ACER1: variants seen among roughly 807,000 people sequenced by gnomAD.
The protein encoded by ACER1 is CTB-180A7.3.
In ACER1, 28 loss-of-function variants were observed where a neutral mutation model predicts 24.9. The observed-to-expected ratio is 1.13, with a 90% CI of 0.83 to 1.54. The LOEUF is 1.54. Among genes scored for constraint, ACER1 ranks in the 40% most tolerant of loss-of-function variants. ACER1 has a pLI of 0.00. For missense variants in ACER1, 352 were observed against 349.3 expected (o/e 1.01, Z -0.06); for synonymous variants, 132 against 131.4 (o/e 1.00, Z -0.03).
In ACER1 at chr19:6,306,497, A is replaced by T. The variant is rs80301818; in HGVS notation, c.*217T>A. On this transcript the variant is annotated 3_prime_UTR_variant, in exon 6 of 6. Transcript: ENST00000301452. ...GGGGGGGGTCATGGAGGGGAGATGC[A>T]CGAGACAGCCCCCCACAGTCACCAG... The T allele has an allele frequency of 0.037, 19,567 of 526,044 alleles. 492 individuals carry two copies. The highest frequency in any genetic ancestry group is 0.049 in the Non-Finnish European group (14,643 of 301,058). 32.6% of individuals were successfully genotyped at this position (526,044 alleles called of 1,614,324 possible). A position where few individuals can be genotyped will look rare whatever the true frequency, so the allele number is the denominator to read the frequency against.
the ACER1 span, among the ~76,000 whole-genome samples, chr19:6,346,319 G>T: frequency 5.3e-5 from 8 of 151,946 alleles, no homozygotes; most frequent in Admixed American, 4.6e-4. Flanking sequence ...CCAAAAAAAA[G>T]TTCGAGAAAA....
At chr19:6,312,090 T>C in intron 3 of ACER1, 59 bp downstream of exon 3, 3 of 1,582,896 alleles carry the variant, frequency 1.9e-6, no homozygotes, top group Admixed American at 1.8e-5. Context: ...GGTGAGCTCA[T>C]GTAGAGTCAA....
At chr19:6,342,119 T>G in the ACER1 span, among the ~76,000 whole-genome samples, 3 of 152,170 alleles carry the variant, frequency 2.0e-5, no homozygotes, top group African/African-American at 7.2e-5. Context: ...AGTCTAACAA[T>G]GCCCAAAGTC....
chr19:6,347,508 CTG>C, the ACER1 span, among the ~76,000 whole-genome samples: 13,471 of 150,702 alleles, frequency 0.089, 1,259 homozygotes, highest in African/African-American at 0.25. Context: ...GTACGAGCCA[CTG>C]TGTGGAAACA....
chr19:6,312,945 T>G (rs892437443), intron 1 of ACER1, among the ~76,000 whole-genome samples: 4 of 152,116 alleles, frequency 2.6e-5, no homozygotes, highest in Admixed American at 2.6e-4. Flanking sequence ...CCCAAAGTGG[T>G]GGGATTACAG....
intron 1 of ACER1, among the ~76,000 whole-genome samples, chr19:6,326,016 G>A (rs1328282850): frequency 1.3e-5 from 2 of 150,622 alleles, no homozygotes; most frequent in Non-Finnish European, 3.0e-5. Flanking sequence ...GTGAAGTGGT[G>A]TGATCATAGC....
At chr19:6,314,084 T>C (rs531610708) in intron 1 of ACER1, among the ~76,000 whole-genome samples, 2 of 151,700 alleles carry the variant, frequency 1.3e-5, no homozygotes, top group Admixed American at 6.6e-5. Context: ...CCAAAAAACA[T>C]AGTGAAACTC....
intron 1 of ACER1, among the ~76,000 whole-genome samples, chr19:6,322,241 T>TA (rs578125696): frequency 5.9e-4 from 90 of 152,244 alleles, no homozygotes; most frequent in Non-Finnish European, 1.1e-3. Flanking sequence ...GTAATTGCAA[T>TA]AAAAAATGAA....
rs749620730 is a variant in ACER1 at position 6,312,506 on chromosome 19, CAG to C, written c.94-9_94-8del. The stretch of plus-strand genomic sequence containing the variant: ...AGAAGGGGATATTGGAGAACTGGAG[CAG>C]AGAGAGCCATAGGGAGGAGCTCGTC... On this transcript the variant is annotated splice_region_variant and splice_polypyrimidine_tract_variant and intron_variant, in intron 1 of 5. Transcript: ENST00000301452. The C allele has an allele frequency of 3.1e-6, 5 of 1,610,148 alleles. No homozygotes were observed. In the South Asian group the frequency reaches 5.5e-5, roughly 18 times the overall value.
At chr19:6,358,285 AGCGCT>A in the ACER1 span, among the ~76,000 whole-genome samples, 2 of 151,836 alleles carry the variant, frequency 1.3e-5, no homozygotes, top group Admixed American at 6.6e-5. Context: ...CCTGCCTGCC[AGCGCT>A]GGCTGCCATG....
chr19:6,316,590 G>A (rs966467175), intron 1 of ACER1, among the ~76,000 whole-genome samples: 5 of 151,738 alleles, frequency 3.3e-5, no homozygotes, highest in African/African-American at 1.2e-4. Context: ...GGAGGTGGAG[G>A]TGAGTGGATC....
the ACER1 span, among the ~76,000 whole-genome samples, chr19:6,357,452 A>AG: frequency 5.4e-4 from 81 of 151,068 alleles, no homozygotes; most frequent in African/African-American, 2.0e-3. Context: ...GGGGGTCAGC[A>AG]GGGGGGACGG....
rs2091568880 is a variant in ACER1 at position 6,309,807 on chromosome 19, G to C, written c.378C>G (p.Ile126Met). 1 of 1,614,120 alleles carries C rather than the reference G, an allele frequency of 6.2e-7. No homozygotes were observed. Among genetic ancestry groups the C allele is most frequent in the East Asian group, 2.2e-5 (1 of 44,870 alleles). Residue 126 changes from isoleucine (I) to methionine (M), a missense_variant, in exon 4 of 6, where the codon ATC becomes ATG. Ile to Met is a conservative substitution (Grantham distance 10). Coordinates refer to ENST00000301452, the MANE Select transcript of ACER1 (RefSeq NM_133492.3). ...ACAGAAGGGTGCTGACCACAGTGGTGATGAAGACCAGGCGGATGAACTGGG... is the reference window on the plus strand; with the variant it reads ...ACAGAAGGGTGCTGACCACAGTGGTCATGAAGACCAGGCGGATGAACTGGG... ...NRSQFIRLVFITTVVSTLLSF... is the reference protein window; with the variant it reads ...NRSQFIRLVFMTTVVSTLLSF...
chr19:6,333,406 C>A, intron 1 of ACER1, 53 bp downstream of exon 1: 1 of 1,448,950 alleles, frequency 6.9e-7, no homozygotes, highest in African/African-American at 1.4e-5. Context: ...TGGGGAGGAA[C>A]CGGGATTCGA....
chr19:6,348,433 C>G, the ACER1 span, among the ~76,000 whole-genome samples: 4 of 147,906 alleles, frequency 2.7e-5, no homozygotes, highest in African/African-American at 7.6e-5. Context: ...CGACTGCACT[C>G]CAGCCTGGGT....
rs771992138 is a variant in ACER1, at chr19:6,307,205, G to T, written c.574C>A (p.Leu192Met). The T allele has an allele frequency of 1.1e-5, 18 of 1,614,048 alleles. No individual in the cohort carries two copies. The highest frequency in any genetic ancestry group is 1.5e-5 in the Non-Finnish European group (18 of 1,180,052). Residue 192 changes from leucine to methionine, a missense_variant, in exon 5 of 6, where the codon CTG (leucine) becomes ATG (methionine). Coordinates refer to ENST00000301452, the MANE Select transcript of ACER1 (RefSeq NM_133492.3). Reference protein sequence around the residue: ...VALTSWISDRLLCSFWQRIHF... With the variant: ...VALTSWISDRMLCSFWQRIHF... ...ATCCTCTGCCAGAAGCTGCAAAGCA[G>T]ACGGTCACTGATCCAGCTGGTCAGA...
In ACER1 at chr19:6,323,422, AAAAAAAAAG is replaced by A. The variant is rs1161341363; in HGVS notation, c.93+10028_93+10036del. Among the ~76,000 whole-genome samples the A allele has an allele frequency of 1.1e-3, 168 of 151,126 alleles. 1 individual carries two copies. Among genetic ancestry groups the A allele is most frequent in the African/African-American group, 3.9e-3 (159 of 40,756 alleles). ...GGTGACAGCGAGACTCCGTCTCAAA[AAAAAAAAAG>A]AAAAAAAGAAAAAAAAATGGGAGTT... is the stretch of plus-strand genomic sequence containing the variant. On this transcript the variant is annotated intron_variant, in intron 1 of 5. Coordinates refer to ENST00000301452, the MANE Select transcript of ACER1 (RefSeq NM_133492.3).
intron 1 of ACER1, among the ~76,000 whole-genome samples, chr19:6,321,207 C>T (rs1277252754): frequency 6.6e-6 from 1 of 151,714 alleles, no homozygotes; most frequent in East Asian, 1.9e-4. Context: ...ATGATCTTGG[C>T]TCACTGCAAC....
rs1165950444 is a variant in ACER1, at chr19:6,314,374, G to A, written c.94-1875C>T. On this transcript the variant is annotated intron_variant, in intron 1 of 5. Coordinates refer to ENST00000301452, the MANE Select transcript of ACER1 (RefSeq NM_133492.3). Reference sequence around the variant, plus strand: ...AATCCCAGCTACTTGGGAGGCTGAGGTGGGAGAATTGCTTAAACTCAGGAG... The same window carrying A: ...AATCCCAGCTACTTGGGAGGCTGAGATGGGAGAATTGCTTAAACTCAGGAG... Among the ~76,000 whole-genome samples, 3 of 151,394 alleles carry A rather than the reference G, an allele frequency of 2.0e-5. No homozygotes were observed. In the Admixed American group the frequency reaches 2.0e-4, roughly 10 times the overall value.
Sources: gnomAD v4.1 joint callset for allele counts (sites outside exome capture counted in the v4.1 genomes callset) on GRCh38, gnomAD v4.1.1 for gene constraint, MANE v1.5 for transcripts, NCBI Gene and HGNC (gene_info 2026-07-23, HGNC 2026-07-21) for gene names.